The following SPON1 variants were observed in gnomAD, a reference collection of about 807,000 sequenced individuals.
SPON1 encodes the protein spondin-1.
Under a neutral mutation model 111.7 loss-of-function variants are expected in SPON1, and 52 were observed. That is an observed-to-expected ratio of 0.47 (90% CI 0.37 to 0.59). The LOEUF (loss-of-function observed/expected upper bound fraction) is 0.59. Ranked by LOEUF, SPON1 falls within the 20% of genes least tolerant of loss-of-function variation. The probability of loss-of-function intolerance (pLI) is 0.00; values close to 1 mark genes in which losing one functional copy is unlikely to be tolerated. For synonymous variants in SPON1, 410 were observed against 395.8 expected, an observed-to-expected ratio of 1.04 and a Z score of -0.43; for missense variants, 957 against 1,068.5, an observed-to-expected ratio of 0.90 and a Z score of 1.46.
At chr11:14,172,036 C>G (rs1304941929) in intron 6 of SPON1, among the ~76,000 whole-genome samples, 10 of 152,160 alleles carry the variant, frequency 6.6e-5, no homozygotes, top group Non-Finnish European at 4.4e-5. Context: ...AGTTCAATTC[C>G]TGGATATCCT....
At chr11:14,037,773 A>G (rs1201576575) in intron 2 of SPON1, among the ~76,000 whole-genome samples, 2 of 152,240 alleles carry the variant, frequency 1.3e-5, no homozygotes. Context: ...TGTGAAAGAC[A>G]CTGTCAAGAG....
At chr11:14,137,894 G>A (rs1422288871) in intron 6 of SPON1, among the ~76,000 whole-genome samples, 1 of 152,110 alleles carries the variant, frequency 6.6e-6, no homozygotes, top group Admixed American at 6.5e-5. Flanking sequence ...AAAGTCAGTT[G>A]GATAGGGTGA....
intron 5 of SPON1, among the ~76,000 whole-genome samples, chr11:14,085,641 A>T (rs1849000478): frequency 1.3e-5 from 2 of 152,014 alleles, no homozygotes; most frequent in South Asian, 4.2e-4. Context: ...GCTCTTTTTT[A>T]GTTCCATACG....
At chr11:14,178,188 T>G (rs1848199827) in intron 6 of SPON1, among the ~76,000 whole-genome samples, 1 of 151,992 alleles carries the variant, frequency 6.6e-6, no homozygotes, top group Admixed American at 6.6e-5. Context: ...TTTGGGAGGC[T>G]GAGGCGGGTG....
chr11:14,159,109 T>C (rs1323682361), intron 6 of SPON1, among the ~76,000 whole-genome samples: 4 of 152,118 alleles, frequency 2.6e-5, no homozygotes, highest in Admixed American at 2.0e-4. Context: ...AAAAAACCTC[T>C]ATGGATTTAA....
intron 6 of SPON1, among the ~76,000 whole-genome samples, chr11:14,160,729 A>ATT (rs1564919354): frequency 3.3e-4 from 4 of 12,234 alleles, no homozygotes; most frequent in African/African-American, 2.4e-3. Context: ...TTATATATTT[A>ATT]TATATATTTA....
At chr11:14,201,448 G>GAGTGCAGTGGCACAGTCTCAGCTC (rs1848463028) in intron 6 of SPON1, among the ~76,000 whole-genome samples, 1 of 151,078 alleles carries the variant, frequency 6.6e-6, no homozygotes, top group Non-Finnish European at 1.5e-5. Context: ...ACCCAGGCTG[G>GAGTGCAGTGGCACAGTCTCAGCTC]AGTGCAGTGG....
chr11:14,245,655 G>A (rs1162872786), intron 7 of SPON1, among the ~76,000 whole-genome samples: 1 of 152,152 alleles, frequency 6.6e-6, no homozygotes, highest in Non-Finnish European at 1.5e-5. Context: ...GAGGCCTGAG[G>A]AGGGAAAGAG....
intron 5 of SPON1, among the ~76,000 whole-genome samples, chr11:14,114,207 A>G (rs559635979): frequency 1.3e-5 from 2 of 152,178 alleles, no homozygotes; most frequent in East Asian, 1.9e-4. Context: ...CTGTCCCCCT[A>G]CTAGCCTTCC....
intron 6 of SPON1, among the ~76,000 whole-genome samples, chr11:14,168,264 C>G (rs1483865899): frequency 6.6e-6 from 1 of 152,050 alleles, no homozygotes; most frequent in Non-Finnish European, 1.5e-5. Context: ...TAATTTAGAC[C>G]AAATGTCTAC....
chr11:14,166,729 C>T (rs1554931896), intron 6 of SPON1, among the ~76,000 whole-genome samples: 2 of 152,112 alleles, frequency 1.3e-5, no homozygotes, highest in Non-Finnish European at 2.9e-5. Context: ...ATTATACTAA[C>T]ATTATAGAAG....
At chr11:13,993,244 C>A (rs914246887) in intron 2 of SPON1, among the ~76,000 whole-genome samples, 1 of 151,950 alleles carries the variant, frequency 6.6e-6, no homozygotes, top group Non-Finnish European at 1.5e-5. Context: ...TTACAGCTCT[C>A]ACCTCTCCAA....
At chr11:14,067,770 A>G (rs548207191) in intron 3 of SPON1, among the ~76,000 whole-genome samples, 1 of 152,308 alleles carries the variant, frequency 6.6e-6, no homozygotes, top group Admixed American at 6.5e-5. Flanking sequence ...CAGGACTATC[A>G]TGACTGGCAT....
At chr11:13,975,850 T>C (rs990271709) in intron 1 of SPON1, among the ~76,000 whole-genome samples, 3 of 152,138 alleles carry the variant, frequency 2.0e-5, no homozygotes, top group Non-Finnish European at 4.4e-5. Context: ...CATTGTTGGG[T>C]AATCAGCCTG....
At chr11:13,990,185 C>G (rs903556303) in intron 2 of SPON1, among the ~76,000 whole-genome samples, 3 of 151,978 alleles carry the variant, frequency 2.0e-5, no homozygotes, top group African/African-American at 7.3e-5. Flanking sequence ...GAGTCTAAGT[C>G]TCTTTGTGGT....
chr11:14,258,506 T>C (rs569745930), intron 11 of SPON1, among the ~76,000 whole-genome samples: 1 of 152,374 alleles, frequency 6.6e-6, no homozygotes, highest in Non-Finnish European at 1.5e-5. Context: ...CCATGACCCC[T>C]TTCTCTGCCT....
chr11:14,168,188 A>C (rs1554932028), intron 6 of SPON1, among the ~76,000 whole-genome samples: 1 of 152,168 alleles, frequency 6.6e-6, no homozygotes, highest in Non-Finnish European at 1.5e-5. Flanking sequence ...AAGTAGGTAA[A>C]TTGAACAATT....
chr11:14,113,568 A>ATTTTTTTTTTTTTTTTTTTTTT, intron 5 of SPON1, among the ~76,000 whole-genome samples: 1 of 74,754 alleles, frequency 1.3e-5, no homozygotes, highest in South Asian at 4.6e-4. Flanking sequence ...TACTTTTTAA[A>ATTTTTTTTTTTTTTTTTTTTTT]TTTTTTTTTT....
intron 6 of SPON1, among the ~76,000 whole-genome samples, chr11:14,160,719 T>TTATA (rs1232032157): frequency 3.6e-4 from 4 of 11,030 alleles, no homozygotes; most frequent in African/African-American, 2.3e-3. Flanking sequence ...TTATATATAT[T>TTATA]TATATATTTA....
Sources: allele counts gnomAD v4.1 joint callset (sites outside exome capture counted in the v4.1 genomes callset), GRCh38; gene constraint gnomAD v4.1.1; transcripts MANE v1.5; gene names NCBI Gene and HGNC (gene_info 2026-07-23, HGNC 2026-07-21).